POLA1: variants seen among roughly 807,000 people sequenced by gnomAD.
POLA1 encodes the protein DNA polymerase alpha catalytic subunit.
POLA1 carries 15 observed loss-of-function variants against 124.0 expected under a neutral mutation model. The observed-to-expected ratio is 0.12, with a 90% CI of 0.08 to 0.19. The LOEUF is 0.19. Ranked by LOEUF, POLA1 falls within the 10% of genes least tolerant of loss-of-function variation. The pLI is 1.00. For missense variants in POLA1, 886 were observed against 1,103.4 expected (o/e 0.80, Z 2.79); for synonymous variants, 408 against 389.4 (o/e 1.05, Z -0.56).
At chrX:24,819,481 T>C (rs552168350) in intron 30 of POLA1, among the ~76,000 whole-genome samples, 2 of 110,926 alleles carry the variant, frequency 1.8e-5, no homozygotes, top group African/African-American at 6.5e-5. Flanking sequence ...GTAAAAATTA[T>C]ATTCTGTGAA....
At chrX:24,714,103 T>C (rs938458618) in intron 4 of POLA1, among the ~76,000 whole-genome samples, 2 of 112,692 alleles carry the variant, frequency 1.8e-5, no homozygotes, top group African/African-American at 6.4e-5. Flanking sequence ...TTTTCTTGAA[T>C]TAAACTCATT....
intron 20 of POLA1, 39 bp from the exon 21 acceptor site, chrX:24,741,335 TA>T: frequency 9.2e-7 from 1 of 1,088,641 alleles, no homozygotes; most frequent in Non-Finnish European, 1.3e-6. Context: ...TTGTTTCTTT[TA>T]ATTACTTGAT....
At chrX:24,938,283 G>A (rs1470527274) in intron 36 of POLA1, among the ~76,000 whole-genome samples, 1 of 111,527 alleles carries the variant, frequency 9.0e-6, no homozygotes, top group Non-Finnish European at 1.9e-5. Flanking sequence ...AGGCATGGTG[G>A]CACGTGCCTG....
intron 34 of POLA1, among the ~76,000 whole-genome samples, chrX:24,855,488 G>C (rs896841379): frequency 9.0e-6 from 1 of 111,441 alleles, no homozygotes; most frequent in African/African-American, 3.3e-5. Context: ...TAAGGTGTGT[G>C]TTTCTTTGCT....
chrX:24,752,133 G>A (rs1415343597), intron 26 of POLA1, among the ~76,000 whole-genome samples: 1 of 112,043 alleles, frequency 8.9e-6, no homozygotes, highest in East Asian at 2.8e-4. Flanking sequence ...AATCGTGCAC[G>A]TTTGGCTCTA....
At chrX:24,983,921 T>C (rs918775691) in intron 36 of POLA1, among the ~76,000 whole-genome samples, 3 of 111,420 alleles carry the variant, frequency 2.7e-5, no homozygotes, top group African/African-American at 9.8e-5. Flanking sequence ...TGTCCTCTAC[T>C]ACCTGCCTCC....
chrX:24,932,111 C>G (rs1282164034), intron 36 of POLA1, among the ~76,000 whole-genome samples: 2 of 112,213 alleles, frequency 1.8e-5, no homozygotes, highest in Non-Finnish European at 3.8e-5. Context: ...GTTGGCCAGG[C>G]TGGCCTCAAA....
At position 24,995,744 on chromosome X, in the gene POLA1, A is replaced by G. The variant is rs942783296; in HGVS notation, c.4262-61A>G. 3.0e-6 allele frequency: 3 copies of G among 993,511 alleles called. No homozygotes were observed. In the African/African-American group the frequency reaches 5.7e-5, roughly 19 times the overall value. 81.9% of individuals were successfully genotyped at this position (993,511 alleles called of 1,213,427 possible). A position where few individuals can be genotyped will look rare whatever the true frequency, so the allele number is the denominator to read the frequency against. On this transcript the variant is annotated intron_variant, in intron 36 of 36. Transcript: ENST00000379068. ...AATCAGCATCCCCTTCTCTGGTGGA[A>G]TACTGAATGTTCTTTAAAGAAACTA...
At chrX:24,805,023 A>C (rs2045775427) in intron 26 of POLA1, among the ~76,000 whole-genome samples, 1 of 111,392 alleles carries the variant, frequency 9.0e-6, no homozygotes, top group African/African-American at 3.3e-5. Flanking sequence ...TTTTTGATAC[A>C]CATCTAAATT....
chrX:24,802,824 C>A (rs750459611), intron 26 of POLA1, among the ~76,000 whole-genome samples: 1 of 111,096 alleles, frequency 9.0e-6, no homozygotes, highest in Non-Finnish European at 1.9e-5. Context: ...ATGGTGAAAC[C>A]CCGTCTCTAT....
At chrX:24,694,621 A>C (rs1158235995) in intron 1 of POLA1, among the ~76,000 whole-genome samples, 1 of 112,417 alleles carries the variant, frequency 8.9e-6, no homozygotes. Flanking sequence ...AAATGGCATC[A>C]ATTTAGGGCA....
chrX:24,790,244 A>G (rs190652710), intron 26 of POLA1, among the ~76,000 whole-genome samples: 1,122 of 112,026 alleles, frequency 0.01, 8 homozygotes, highest in Non-Finnish European at 0.015. Flanking sequence ...CGTCATAGAA[A>G]CTATAGTTGC....
chrX:24,788,863 C>A (rs2045428765), intron 26 of POLA1: 2 of 1,197,280 alleles, frequency 1.7e-6, no homozygotes, highest in Non-Finnish European at 2.3e-6. Flanking sequence ...TCACTCCTGG[C>A]AGGCTGGCCT....
chrX:24,697,208 TGTTGCCTGTGTAGTGGGAC>T (rs1210769477), intron 1 of POLA1, among the ~76,000 whole-genome samples: 14 of 111,644 alleles, frequency 1.3e-4, no homozygotes, highest in African/African-American at 4.2e-4. Flanking sequence ...AGTGGAACAT[TGTTGCCTGTGTAGTGGGAC>T]GTTGCCTGTG....
intron 36 of POLA1, among the ~76,000 whole-genome samples, chrX:24,957,471 T>A (rs2147255865): frequency 9.0e-6 from 1 of 111,149 alleles, no homozygotes; most frequent in South Asian, 3.9e-4. Context: ...TCTAGGTGTA[T>A]GCCCTAGAGA....
chrX:24,901,999 T>TGC (rs1326255657), intron 35 of POLA1, among the ~76,000 whole-genome samples: 8 of 108,823 alleles, frequency 7.4e-5, no homozygotes, highest in African/African-American at 2.8e-4. Context: ...CGCGTGCATG[T>TGC]GCGTGCACAC....
intron 34 of POLA1, among the ~76,000 whole-genome samples, chrX:24,845,200 G>T (rs1228452340): frequency 9.0e-6 from 1 of 111,287 alleles, no homozygotes; most frequent in Non-Finnish European, 1.9e-5. Context: ...TACTTTTAGG[G>T]ATCCAGATAT....
At chrX:24,694,089 C>T in intron 1 of POLA1, 85 bp downstream of exon 1, 1 of 951,127 alleles carries the variant, frequency 1.1e-6, no homozygotes, top group Admixed American at 3.0e-5. Flanking sequence ...AGGCGCACAC[C>T]CGGGTTTGTT....
intron 10 of POLA1, among the ~76,000 whole-genome samples, chrX:24,720,162 G>A (rs1016240952): frequency 8.9e-6 from 1 of 111,866 alleles, no homozygotes; most frequent in South Asian, 3.7e-4. Flanking sequence ...TTTTTTGTCT[G>A]ATTGGAATGT....
Sources: gnomAD v4.1 joint callset for allele counts (sites outside exome capture counted in the v4.1 genomes callset) on GRCh38, gnomAD v4.1.1 for gene constraint, MANE v1.5 for transcripts, NCBI Gene and HGNC (gene_info 2026-07-23, HGNC 2026-07-21) for gene names.